Variants in CSMD1 observed in about 807,000 individuals in gnomAD.
The protein encoded by CSMD1 is CUB and Sushi multiple domains 1.
In CSMD1, 213 loss-of-function variants were observed where a neutral mutation model predicts 417.5. The observed-to-expected ratio is 0.51, with a 90% CI of 0.46 to 0.57. The LOEUF is 0.57. Among genes scored for constraint, CSMD1 ranks in the 20% least tolerant of loss-of-function variants. The probability of loss-of-function intolerance (pLI) is 0.00; values close to 1 mark genes in which losing one functional copy is unlikely to be tolerated. For missense variants in CSMD1, 6,923 were observed against 4,529.7 expected, an observed-to-expected ratio of 1.53 and a Z score of -15.17; for synonymous variants, 2,862 against 1,736.8, an observed-to-expected ratio of 1.65 and a Z score of -16.11.
At chr8:4,958,429 G>T (rs1468261186) in intron 1 of CSMD1, among the ~76,000 whole-genome samples, 1 of 152,042 alleles carries the variant, frequency 6.6e-6, no homozygotes, top group South Asian at 2.1e-4. Flanking sequence ...CTATAATAAA[G>T]GTAGATGAAG....
intron 1 of CSMD1, among the ~76,000 whole-genome samples, chr8:4,734,520 G>C (rs1768714277): frequency 6.6e-6 from 1 of 152,138 alleles, no homozygotes; most frequent in Non-Finnish European, 1.5e-5. Context: ...AATAATAACT[G>C]TTGAAGATTT....
intron 1 of CSMD1, among the ~76,000 whole-genome samples, chr8:4,841,859 C>A (rs1761265893): frequency 7.9e-6 from 1 of 127,086 alleles, no homozygotes; most frequent in Non-Finnish European, 1.6e-5. Flanking sequence ...TACAGTGAGC[C>A]GAGATCGCAC....
chr8:3,369,144 G>C (rs182366250), intron 19 of CSMD1, 110 bp downstream of exon 19: 189 of 586,426 alleles, frequency 3.2e-4, no homozygotes, highest in Admixed American at 1.1e-3. Flanking sequence ...AACTATACAT[G>C]AGAAAAGTAG....
chr8:3,942,398 T>C (rs773960949), intron 5 of CSMD1, among the ~76,000 whole-genome samples: 34 of 152,086 alleles, frequency 2.2e-4, no homozygotes, highest in Non-Finnish European at 4.3e-4. Flanking sequence ...TTTCTCAAAG[T>C]GACACTGCTA....
chr8:4,074,436 T>C (rs890432599), intron 3 of CSMD1, among the ~76,000 whole-genome samples: 2 of 151,886 alleles, frequency 1.3e-5, no homozygotes, highest in African/African-American at 4.8e-5. Context: ...TACATGATTA[T>C]TTACTTTCAG....
chr8:3,148,990 C>G (rs1009544235), intron 40 of CSMD1, among the ~76,000 whole-genome samples: 1 of 152,184 alleles, frequency 6.6e-6, no homozygotes, highest in African/African-American at 2.4e-5. Flanking sequence ...TTCTTTTCTC[C>G]TCTTCTAGAT....
chr8:4,567,290 G>A (rs145161101), intron 2 of CSMD1, among the ~76,000 whole-genome samples: 1 of 152,252 alleles, frequency 6.6e-6, no homozygotes, highest in East Asian at 1.9e-4. Context: ...ATTTCTCAGA[G>A]CTTGTAAAAC....
chr8:4,378,418 T>C (rs1802890632), intron 3 of CSMD1, among the ~76,000 whole-genome samples: 1 of 152,216 alleles, frequency 6.6e-6, no homozygotes, highest in Non-Finnish European at 1.5e-5. Context: ...CAGAAGAGCA[T>C]GATATCAATT....
intron 69 of CSMD1, among the ~76,000 whole-genome samples, chr8:2,939,822 G>A (rs1178720059): frequency 3.3e-5 from 5 of 152,260 alleles, no homozygotes; most frequent in Admixed American, 3.3e-4. Context: ...TGCGCCAGCA[G>A]TGATCGTTAG....
chr8:4,493,656 A>G (rs946962520), intron 2 of CSMD1, among the ~76,000 whole-genome samples: 1 of 152,204 alleles, frequency 6.6e-6, no homozygotes, highest in African/African-American at 2.4e-5. Flanking sequence ...GAGCGTGCCA[A>G]TGTACTCCAG....
intron 25 of CSMD1, among the ~76,000 whole-genome samples, chr8:3,290,901 G>A (rs1167958842): frequency 6.6e-6 from 1 of 152,218 alleles, no homozygotes; most frequent in South Asian, 2.1e-4. Context: ...CTGGTCTTGT[G>A]CCTGTTTTCA....
At chr8:4,081,904 C>A (rs947921228) in intron 3 of CSMD1, among the ~76,000 whole-genome samples, 3 of 152,084 alleles carry the variant, frequency 2.0e-5, no homozygotes, top group African/African-American at 7.2e-5. Flanking sequence ...CAGTAGTGCT[C>A]ATGGGGGAGT....
At chr8:3,254,538 A>G (rs1238586554) in intron 26 of CSMD1, among the ~76,000 whole-genome samples, 1 of 152,052 alleles carries the variant, frequency 6.6e-6, no homozygotes, top group Non-Finnish European at 1.5e-5. Context: ...TGGTCTTTTC[A>G]CATAGTCCCA....
chr8:4,424,252 T>C, intron 2 of CSMD1, among the ~76,000 whole-genome samples: 1 of 152,028 alleles, frequency 6.6e-6, no homozygotes, highest in South Asian at 2.1e-4. Flanking sequence ...AATAAAAGTG[T>C]ATGCTGCAGA....
chr8:3,184,536 G>C (rs1821626607), intron 36 of CSMD1, among the ~76,000 whole-genome samples: 1 of 152,166 alleles, frequency 6.6e-6, no homozygotes, highest in Non-Finnish European at 1.5e-5. Flanking sequence ...GCCATCAACT[G>C]AGCTTCAGAA....
At chr8:4,923,519 T>C (rs1348085120) in intron 1 of CSMD1, among the ~76,000 whole-genome samples, 2 of 135,004 alleles carry the variant, frequency 1.5e-5, no homozygotes, top group Non-Finnish European at 3.5e-5. Context: ...TAAACACACA[T>C]ATATATTCAT....
At chr8:4,701,482 C>T (rs536732459) in intron 1 of CSMD1, among the ~76,000 whole-genome samples, 2 of 152,112 alleles carry the variant, frequency 1.3e-5, no homozygotes, top group South Asian at 4.2e-4. Context: ...CCTCCCCGAC[C>T]CCAGCACAGA....
chr8:3,318,891 A>G (rs927108790), intron 23 of CSMD1, among the ~76,000 whole-genome samples: 1 of 152,138 alleles, frequency 6.6e-6, no homozygotes, highest in East Asian at 1.9e-4. Context: ...GTAAACTAAC[A>G]CAGGTCATGC....
At chr8:3,555,773 T>A (rs1186331303) in intron 10 of CSMD1, among the ~76,000 whole-genome samples, 1 of 152,142 alleles carries the variant, frequency 6.6e-6, no homozygotes, top group Non-Finnish European at 1.5e-5. Context: ...TTTTAGATAG[T>A]TAGATAGATG....
Sources: allele counts gnomAD v4.1 joint callset (sites outside exome capture counted in the v4.1 genomes callset), GRCh38; gene constraint gnomAD v4.1.1; transcripts MANE v1.5; gene names NCBI Gene and HGNC (gene_info 2026-07-23, HGNC 2026-07-21).